The following DGKI variants were observed in gnomAD, a reference collection of about 807,000 sequenced individuals.
The protein encoded by DGKI is diacylglycerol kinase iota, also known as DAG kinase iota.
A neutral mutation model predicts 147.5 loss-of-function variants in DGKI; 55 were observed. That is an observed-to-expected ratio of 0.37 (90% CI 0.30 to 0.47). The LOEUF (loss-of-function observed/expected upper bound fraction) is 0.47, where lower values mean the gene tolerates loss of function less well. Ranked by LOEUF, DGKI falls within the 20% of genes least tolerant of loss-of-function variation. The pLI is 1.00. For synonymous variants in DGKI, 469 were observed against 477.1 expected (o/e 0.98, Z 0.22); for missense variants, 1,007 against 1,323.8 (o/e 0.76, Z 3.71).
At chr7:137,768,365 G>C (rs912433095) in intron 1 of DGKI, among the ~76,000 whole-genome samples, 2 of 152,196 alleles carry the variant, frequency 1.3e-5, no homozygotes, top group African/African-American at 4.8e-5. Flanking sequence ...GGACTCAATA[G>C]TGGGGAGGGA....
At chr7:137,394,443 C>T (rs1264717702) in intron 32 of DGKI, among the ~76,000 whole-genome samples, 1 of 152,004 alleles carries the variant, frequency 6.6e-6, no homozygotes, top group Admixed American at 6.6e-5. Context: ...AAACTAACTC[C>T]TCTTTCTCTC....
At chr7:137,456,592 T>C (rs989771476) in intron 27 of DGKI, among the ~76,000 whole-genome samples, 2 of 152,174 alleles carry the variant, frequency 1.3e-5, no homozygotes, top group Admixed American at 1.3e-4. Context: ...ATCCAATCAA[T>C]ACTGCCTCAC....
intron 21 of DGKI, among the ~76,000 whole-genome samples, chr7:137,506,186 CA>C (rs1816363268): frequency 6.6e-6 from 1 of 152,064 alleles, no homozygotes; most frequent in South Asian, 2.1e-4. Flanking sequence ...TCATAATTGC[CA>C]AAACTTGTAA....
intron 20 of DGKI, among the ~76,000 whole-genome samples, chr7:137,543,371 T>C (rs1410628942): frequency 6.6e-6 from 1 of 152,254 alleles, no homozygotes; most frequent in African/African-American, 2.4e-5. Flanking sequence ...CATCAATTCA[T>C]ATGTTGTCAT....
intron 1 of DGKI, chr7:137,722,515 G>T: frequency 6.2e-7 from 1 of 1,610,118 alleles, no homozygotes; most frequent in South Asian, 1.1e-5. Flanking sequence ...ACTTGTGACT[G>T]GACCTCTGGT....
intron 7 of DGKI, among the ~76,000 whole-genome samples, chr7:137,623,224 G>T (rs1053182651): frequency 1.3e-5 from 2 of 152,194 alleles, no homozygotes; most frequent in South Asian, 2.1e-4. Context: ...AGAATTAGGG[G>T]AGGATTTTCT....
intron 5 of DGKI, among the ~76,000 whole-genome samples, chr7:137,650,181 A>G (rs1453138082): frequency 1.3e-5 from 2 of 152,226 alleles, no homozygotes; most frequent in Non-Finnish European, 2.9e-5. Context: ...CTAAGAGTTC[A>G]TAAACATTTT....
intron 21 of DGKI, among the ~76,000 whole-genome samples, chr7:137,516,798 T>C (rs985132417): frequency 1.2e-4 from 18 of 152,086 alleles, no homozygotes; most frequent in Non-Finnish European, 2.4e-4. Flanking sequence ...CATTTTGGCA[T>C]AGTTAACAAA....
At chr7:137,723,940 C>G (rs1225582810) in intron 1 of DGKI, among the ~76,000 whole-genome samples, 1 of 151,836 alleles carries the variant, frequency 6.6e-6, no homozygotes, top group Non-Finnish European at 1.5e-5. Flanking sequence ...GATCTCCTGA[C>G]CTTGTGATCC....
At chr7:137,597,732 A>G in intron 12 of DGKI, 115 bp downstream of exon 12, 2 of 900,834 alleles carry the variant, frequency 2.2e-6, no homozygotes, top group Non-Finnish European at 3.6e-6. Flanking sequence ...CACATGAGAG[A>G]TATACATGTG....
chr7:137,646,062 A>G (rs548780918), intron 5 of DGKI, among the ~76,000 whole-genome samples: 1 of 152,344 alleles, frequency 6.6e-6, no homozygotes, highest in African/African-American at 2.4e-5. Flanking sequence ...GCTGGGAGGT[A>G]ACTGAGGCAG....
intron 10 of DGKI, 129 bp downstream of exon 10, chr7:137,608,837 C>A: frequency 1.4e-6 from 1 of 715,736 alleles, no homozygotes. Flanking sequence ...AAACAATAAC[C>A]TTGTTCCTGA....
intron 1 of DGKI, among the ~76,000 whole-genome samples, chr7:137,752,497 G>C (rs1427867449): frequency 1.3e-5 from 2 of 152,170 alleles, no homozygotes; most frequent in Non-Finnish European, 2.9e-5. Flanking sequence ...AAAACTAAAA[G>C]GCAGAAATGA....
chr7:137,591,147 T>G (rs3800610), intron 12 of DGKI, among the ~76,000 whole-genome samples: 1 of 152,210 alleles, frequency 6.6e-6, no homozygotes, highest in Non-Finnish European at 1.5e-5. Context: ...TCTCTTCTCC[T>G]TTTACCCTTG....
chr7:137,384,411 A>T lies in DGKI; in HGVS notation c.*6809T>A, dbSNP rs1181511077. 9 of 103,402 alleles carry T rather than the reference A, an allele frequency of 8.7e-5. No homozygotes were observed. The highest frequency in any genetic ancestry group is 2.5e-4 in the African/African-American group (8 of 32,244). The allele number at this position is 103,402 out of a possible 1,614,324, so 6.4% of individuals were successfully genotyped here. ...AAACTTAGGTAAACATTTTTTTTTCATGGAGGCAACTTCTATATTATGGAA... is the reference window on the plus strand; with the variant it reads ...AAACTTAGGTAAACATTTTTTTTTCTTGGAGGCAACTTCTATATTATGGAA... On this transcript the variant is annotated 3_prime_UTR_variant, in exon 33 of 33. Transcript: ENST00000614521.
chr7:137,588,852 T>C (rs556642279), intron 12 of DGKI, among the ~76,000 whole-genome samples: 2 of 152,312 alleles, frequency 1.3e-5, no homozygotes, highest in African/African-American at 4.8e-5. Flanking sequence ...TAAAACATTA[T>C]CTGTAAGACA....
intron 1 of DGKI, among the ~76,000 whole-genome samples, chr7:137,776,694 CA>C (rs1442959295): frequency 6.6e-6 from 1 of 152,074 alleles, no homozygotes; most frequent in African/African-American, 2.4e-5. Flanking sequence ...ATGATTGGTA[CA>C]GGGCAACTTA....
chr7:137,505,700 C>A (rs1178537639), intron 21 of DGKI, among the ~76,000 whole-genome samples: 6 of 104,214 alleles, frequency 5.8e-5, no homozygotes, highest in African/African-American at 2.0e-4. Context: ...ACAAAGAATC[C>A]ATAAGAGATG....
chr7:137,793,791 G>A (rs1420061090), intron 1 of DGKI, among the ~76,000 whole-genome samples: 2 of 152,248 alleles, frequency 1.3e-5, no homozygotes, highest in East Asian at 3.9e-4. Context: ...AGAAGATTTT[G>A]AAGGACTTTA....
Sources: allele counts gnomAD v4.1 joint callset (sites outside exome capture counted in the v4.1 genomes callset), GRCh38; gene constraint gnomAD v4.1.1; transcripts MANE v1.5; gene names NCBI Gene and HGNC (gene_info 2026-07-23, HGNC 2026-07-21).